ZNF282: variants seen among roughly 807,000 people sequenced by gnomAD.
The protein encoded by ZNF282 is zinc finger protein 282, also known as HTLV-I U5 repressive element-binding protein 1.
In ZNF282, 30 loss-of-function variants were observed where a neutral mutation model predicts 61.9. The observed-to-expected ratio is 0.48, with a 90% CI of 0.36 to 0.66. ZNF282 has a LOEUF of 0.66. Ranked by LOEUF, ZNF282 falls within the 30% of genes least tolerant of loss-of-function variation. The pLI, the probability that ZNF282 is intolerant of heterozygous loss-of-function variation, is 0.00. For synonymous variants in ZNF282, 396 were observed against 405.0 expected (o/e 0.98, Z 0.27); for missense variants, 788 against 941.4 (o/e 0.84, Z 2.13).
chr7:149,206,860 T>C, intron 3 of ZNF282, 38 bp downstream of exon 3: 1 of 1,611,652 alleles, frequency 6.2e-7, no homozygotes. Flanking sequence ...GAGCCATCTC[T>C]GCAGAGGGTT....
chr7:149,220,133 G>C (rs764505467), intron 7 of ZNF282, among the ~76,000 whole-genome samples: 1 of 152,174 alleles, frequency 6.6e-6, no homozygotes, highest in Non-Finnish European at 1.5e-5. Flanking sequence ...AAGAAGCCGG[G>C]CACGGTGGCT....
chr7:149,209,085 G>A (rs1461533418), intron 4 of ZNF282, among the ~76,000 whole-genome samples: 15 of 150,542 alleles, frequency 1.0e-4, no homozygotes, highest in Non-Finnish European at 2.1e-4. Context: ...TTGAAAGGCC[G>A]AGGAGGGCGA....
chr7:149,203,210 G>T (rs1795942936), intron 2 of ZNF282, among the ~76,000 whole-genome samples: 1 of 152,224 alleles, frequency 6.6e-6, no homozygotes, highest in Admixed American at 6.5e-5. Context: ...GCATATCCTT[G>T]TGTGGCACTG....
At chr7:149,216,106 T>G (rs1287088868) in intron 7 of ZNF282, among the ~76,000 whole-genome samples, 1 of 152,178 alleles carries the variant, frequency 6.6e-6, no homozygotes, top group African/African-American at 2.4e-5. Context: ...TATCTTTTTT[T>G]TGTTTGTTTA....
rs548393960 is a variant in ZNF282, at chr7:149,225,446, T to C, written c.*799T>C. On this transcript the variant is annotated 3_prime_UTR_variant, in exon 8 of 8. Coordinates refer to ENST00000610704, the MANE Select transcript of ZNF282 (RefSeq NM_003575.4). Reference sequence around the variant, plus strand: ...ATTGGCTACGGAACGCCCCAGGTTGTACATTCAGAGGGCTCTTTCTCCATG... The same window carrying C: ...ATTGGCTACGGAACGCCCCAGGTTGCACATTCAGAGGGCTCTTTCTCCATG... The C allele has an allele frequency of 6.6e-6, 1 of 152,310 alleles. No individual in the cohort carries two copies. Among genetic ancestry groups the C allele is most frequent in the Non-Finnish European group, 1.5e-5 (1 of 68,096 alleles). The allele number at this position is 152,310 out of a possible 1,614,324, so 9.4% of individuals were successfully genotyped here. A position where few individuals can be genotyped will look rare whatever the true frequency, so the allele number is the denominator to read the frequency against.
rs1354187086 is a variant in ZNF282, at chr7:149,226,214, AC to A, written c.*1568del. On this transcript the variant is annotated 3_prime_UTR_variant, in exon 8 of 8. Transcript: ENST00000610704. The stretch of plus-strand genomic sequence containing the variant: ...GAGCTGGGGGTTCTCCAGCTTGCCT[AC>A]AGTAAAGCCTCAATGAACTGGAATC... 6.6e-6 allele frequency: 1 copy of A among 152,634 alleles called. No homozygotes were observed. The highest frequency in any genetic ancestry group is 1.5e-5 in the Non-Finnish European group (1 of 68,050). 9.5% of individuals were successfully genotyped at this position (152,634 alleles called of 1,614,324 possible). A position where few individuals can be genotyped will look rare whatever the true frequency, so the allele number is the denominator to read the frequency against.
chr7:149,212,332 T>C, intron 5 of ZNF282, 26 bp from the exon 6 acceptor site: 1 of 1,563,230 alleles, frequency 6.4e-7, no homozygotes, highest in Non-Finnish European at 8.7e-7. Context: ...TTCTAACACC[T>C]TTGCCGCTCT....
At chr7:149,210,445 A>G (rs983405418) in intron 4 of ZNF282, 140 bp from the exon 5 acceptor site, 34 of 1,427,622 alleles carry the variant, frequency 2.4e-5, no homozygotes, top group Non-Finnish European at 2.8e-5. Flanking sequence ...GCTGTCAGCC[A>G]TGCTTCTGAG....
intron 1 of ZNF282, among the ~76,000 whole-genome samples, chr7:149,197,489 C>T (rs535027471): frequency 2.6e-5 from 4 of 152,198 alleles, no homozygotes; most frequent in African/African-American, 9.6e-5. Flanking sequence ...TTTGTTTGTT[C>T]CGAGACGGAG....
chr7:149,195,714 C>A lies in ZNF282; in HGVS notation c.125C>A (p.Ala42Glu). ...PPEEVCHQEP[A>E]LRGEMAEGMP... is the part of the protein sequence containing the mutation. ...GAGGAGGTCTGCCACCAGGAGCCGG[C>A]GCTGCGCGGGGAAATGGCCGAGGGA... Residue 42 changes from alanine to glutamate, a missense_variant, in exon 1 of 8, where the codon GCG becomes GAG. This residue lies in a region of ZNF282 where 137 missense variants were observed against 135.4 expected (regional missense o/e 1.01). Coordinates refer to ENST00000610704, the MANE Select transcript of ZNF282 (RefSeq NM_003575.4). 1.3e-6 allele frequency: 2 copies of A among 1,549,226 alleles called. No homozygotes were observed. The highest frequency in any genetic ancestry group is 1.7e-6 in the Non-Finnish European group (2 of 1,149,064).
chr7:149,205,343 C>A (rs1370737888), intron 2 of ZNF282, among the ~76,000 whole-genome samples: 2 of 152,058 alleles, frequency 1.3e-5, no homozygotes, highest in African/African-American at 4.8e-5. Flanking sequence ...GAGGCTGAGG[C>A]AGGAGAATCA....
Position 149,223,801 on chromosome 7 carries a change from T to A in ZNF282, c.1181-11T>A. 1 of 1,488,032 alleles carries A rather than the reference T, an allele frequency of 6.7e-7. No individual in the cohort carries two copies. The highest frequency in any genetic ancestry group is 8.9e-7 in the Non-Finnish European group (1 of 1,128,718). The allele number at this position is 1,488,032 out of a possible 1,614,324, so 92.2% of individuals were successfully genotyped here. ...CCCCTGTCAGCATGTCACTTCTTCC[T>A]ATCTCCCCAGGTGACAGCCTGCTGA... On this transcript the variant is annotated splice_polypyrimidine_tract_variant and intron_variant, in intron 7 of 7. Coordinates refer to ENST00000610704, the MANE Select transcript of ZNF282 (RefSeq NM_003575.4).
At chr7:149,196,354 C>T (rs930743076) in intron 1 of ZNF282, among the ~76,000 whole-genome samples, 1 of 152,164 alleles carries the variant, frequency 6.6e-6, no homozygotes, top group African/African-American at 2.4e-5. Context: ...GCCTGGGCAG[C>T]TTTTAAGACT....
chr7:149,206,670 G>T (rs752990948), intron 2 of ZNF282, 26 bp from the exon 3 acceptor site: 20 of 1,613,804 alleles, frequency 1.2e-5, no homozygotes, highest in Non-Finnish European at 1.7e-5. Flanking sequence ...GGCAGGAGGC[G>T]CTAGATTAAC....
At position 149,224,616 on chromosome 7, in the gene ZNF282, G is replaced by A. The variant is rs1352298974; in HGVS notation, c.1985G>A (p.Arg662Gln). 1 of 1,543,580 alleles carries A rather than the reference G, an allele frequency of 6.5e-7. No individual in the cohort carries two copies. The highest frequency in any genetic ancestry group is 1.2e-5 in the South Asian group (1 of 85,374). ...GGCGGCCCGGGCCCCGGCGCCCCACGGCAGCTCCCGCCGCCTCCTGAGCGA... is the reference window on the plus strand; with the variant it reads ...GGCGGCCCGGGCCCCGGCGCCCCACAGCAGCTCCCGCCGCCTCCTGAGCGA... ...HSGGPGPGAPRQLPPPPERD is the reference protein window; with the variant it reads ...HSGGPGPGAPQQLPPPPERD Residue 662 changes from arginine to glutamine, a missense_variant, in exon 8 of 8, where the codon CGG (arginine) becomes CAG (glutamine). By Grantham distance (43) the Arg-to-Gln change is conservative. This residue lies in a region of ZNF282 where 559 missense variants were observed against 642.0 expected (regional missense o/e 0.87). Transcript: ENST00000610704.
intron 7 of ZNF282, among the ~76,000 whole-genome samples, chr7:149,215,461 T>A (rs899587776): frequency 5.3e-5 from 8 of 152,040 alleles, no homozygotes; most frequent in African/African-American, 1.9e-4. Flanking sequence ...CCTTGGCCTC[T>A]CAAAGTGCTG....
chr7:149,224,434 T>A lies in ZNF282; in HGVS notation c.1803T>A (p.Pro601=). Reference sequence around the variant, plus strand: ...AGCGGCTGCACACGGGCGAGCGGCCTTTCCAATGTGCACTGTGCGGCAAGA... The same window carrying A: ...AGCGGCTGCACACGGGCGAGCGGCCATTCCAATGTGCACTGTGCGGCAAGA... ...NHQRLHTGER[P]FQCALCGKSF... Residue 601 remains proline, a synonymous_variant, in exon 8 of 8, where the codon CCT becomes CCA. Transcript: ENST00000610704. The A allele has an allele frequency of 6.2e-7, 1 of 1,612,496 alleles. No individual in the cohort carries two copies. Among genetic ancestry groups the A allele is most frequent in the Non-Finnish European group, 8.5e-7 (1 of 1,179,608 alleles).
chr7:149,224,455 C>T lies in ZNF282; in HGVS notation c.1824C>T (p.Gly608=). Residue 608 remains glycine, a synonymous_variant, in exon 8 of 8, where the codon GGC becomes GGT. Transcript: ENST00000610704. ...GERPFQCALC[G]KSFIRKQNLL... ...GGCCTTTCCAATGTGCACTGTGCGG[C>T]AAGAGCTTCATCCGCAAGCAGAACC... The T allele has an allele frequency of 6.2e-7, 1 of 1,613,714 alleles. No homozygotes were observed. Among genetic ancestry groups the T allele is most frequent in the African/African-American group, 1.3e-5 (1 of 74,990 alleles).
chr7:149,203,411 A>G (rs1795945805), intron 2 of ZNF282, among the ~76,000 whole-genome samples: 1 of 152,188 alleles, frequency 6.6e-6, no homozygotes. Context: ...ACAGTTATAC[A>G]ATCATAGCTC....
Sources: gnomAD v4.1 joint callset for allele counts (sites outside exome capture counted in the v4.1 genomes callset) on GRCh38, gnomAD v4.1.1 for gene constraint, gnomAD v4.1.1 regional missense constraint, MANE v1.5 for transcripts, NCBI Gene and HGNC (gene_info 2026-07-23, HGNC 2026-07-21) for gene names.